HORMAD2: variants seen among roughly 807,000 people sequenced by gnomAD.
The protein encoded by HORMAD2 is HORMA domain containing 2.
A neutral mutation model predicts 38.8 loss-of-function variants in HORMAD2; 45 were observed. That is an observed-to-expected ratio of 1.16 (90% confidence interval 0.91 to 1.49). HORMAD2 has a LOEUF of 1.49. Among genes scored for constraint, HORMAD2 ranks in the 40% most tolerant of loss-of-function variants. The probability of loss-of-function intolerance (pLI) is 0.00; values close to 1 mark genes in which losing one functional copy is unlikely to be tolerated. For missense variants in HORMAD2, 338 were observed against 367.0 expected, an observed-to-expected ratio of 0.92 and a Z score of 0.65; for synonymous variants, 126 against 122.8, an observed-to-expected ratio of 1.03 and a Z score of -0.17.
chr22:30,109,696 C>G (rs1172442259), intron 5 of HORMAD2, among the ~76,000 whole-genome samples: 2 of 152,126 alleles, frequency 1.3e-5, no homozygotes, highest in African/African-American at 4.8e-5. Context: ...ATATGTTACT[C>G]TTTCAAGCAG....
At chr22:30,158,186 A>G (rs1049665695) in intron 10 of HORMAD2, among the ~76,000 whole-genome samples, 1 of 152,114 alleles carries the variant, frequency 6.6e-6, no homozygotes, top group Non-Finnish European at 1.5e-5. Flanking sequence ...CCCAGTGTAA[A>G]TATTTCCACA....
At chr22:30,113,871 C>T (rs1267147241) in intron 7 of HORMAD2, among the ~76,000 whole-genome samples, 2 of 152,172 alleles carry the variant, frequency 1.3e-5, no homozygotes, top group Non-Finnish European at 2.9e-5. Flanking sequence ...AGCAATTCCT[C>T]AATGCCCAAA....
At chr22:30,145,194 C>T (rs1924338672) in intron 10 of HORMAD2, among the ~76,000 whole-genome samples, 1 of 152,164 alleles carries the variant, frequency 6.6e-6, no homozygotes, top group Non-Finnish European at 1.5e-5. Context: ...GCTCCTCACA[C>T]TGACATGTGG....
At chr22:30,129,128 G>C (rs1923081294) in intron 10 of HORMAD2, among the ~76,000 whole-genome samples, 1 of 147,808 alleles carries the variant, frequency 6.8e-6, no homozygotes, top group Admixed American at 6.9e-5. Flanking sequence ...TGAGGCAGGA[G>C]AATGGCAAAA....
chr22:30,165,477 T>G (rs774046988), intron 10 of HORMAD2, among the ~76,000 whole-genome samples: 1 of 152,188 alleles, frequency 6.6e-6, no homozygotes, highest in Non-Finnish European at 1.5e-5. Flanking sequence ...TTGTGTTGAG[T>G]CTGTAGATTG....
chr22:30,200,690 A>G, the HORMAD2 span, among the ~76,000 whole-genome samples: 1 of 151,660 alleles, frequency 6.6e-6, no homozygotes, highest in Non-Finnish European at 1.5e-5. Flanking sequence ...GACTGCTGTC[A>G]TAAAGTACCA....
chr22:30,164,542 G>A (rs1435775567), intron 10 of HORMAD2, among the ~76,000 whole-genome samples: 1 of 152,172 alleles, frequency 6.6e-6, no homozygotes, highest in Non-Finnish European at 1.5e-5. Flanking sequence ...TTGCATCTCT[G>A]ATGATAGTGA....
the HORMAD2 span, among the ~76,000 whole-genome samples, chr22:30,193,732 T>C: frequency 3.3e-5 from 5 of 152,238 alleles, no homozygotes; most frequent in African/African-American, 1.2e-4. Flanking sequence ...TGTCCTTCCA[T>C]AGCGATAGGG....
At chr22:30,207,027 C>T in the HORMAD2 span, 48 of 469,378 alleles carry the variant, frequency 1.0e-4, no homozygotes, top group Middle Eastern at 2.3e-3. Context: ...CCACCCGTCC[C>T]CTCGTGTCGG....
At chr22:30,120,226 G>T (rs974610404) in intron 8 of HORMAD2, among the ~76,000 whole-genome samples, 1 of 152,176 alleles carries the variant, frequency 6.6e-6, no homozygotes, top group Non-Finnish European at 1.5e-5. Context: ...GTTTAAATGG[G>T]AGTCCTGAAT....
chr22:30,101,558 T>A (rs1317172471), intron 3 of HORMAD2, among the ~76,000 whole-genome samples: 1 of 151,878 alleles, frequency 6.6e-6, no homozygotes, highest in Admixed American at 6.6e-5. Flanking sequence ...ACCTGCACTT[T>A]CTGCACATGT....
chr22:30,108,798 A>G (rs1015008699), intron 5 of HORMAD2, among the ~76,000 whole-genome samples: 8 of 152,188 alleles, frequency 5.3e-5, no homozygotes, highest in Non-Finnish European at 8.8e-5. Context: ...TCAATTAAGT[A>G]ATGTATGAGT....
At chr22:30,199,427 T>C in the HORMAD2 span, among the ~76,000 whole-genome samples, 1 of 152,224 alleles carries the variant, frequency 6.6e-6, no homozygotes, top group East Asian at 1.9e-4. Flanking sequence ...TAATGATAAA[T>C]GGTGAACAAG....
At chr22:30,140,669 T>C (rs1924011000) in intron 10 of HORMAD2, among the ~76,000 whole-genome samples, 2 of 152,180 alleles carry the variant, frequency 1.3e-5, no homozygotes, top group Admixed American at 1.3e-4. Flanking sequence ...TTTTAGTCTT[T>C]TATTTACTTG....
At chr22:30,177,794 C>T (rs1171356753), downstream of HORMAD2, among the ~76,000 whole-genome samples, 1 of 150,032 alleles carries the variant, frequency 6.7e-6, no homozygotes, top group Non-Finnish European at 1.5e-5. Flanking sequence ...ATCCTCCCAC[C>T]TCAACCTCCG....
chr22:30,187,906 G>T, the HORMAD2 span, among the ~76,000 whole-genome samples: 18 of 152,058 alleles, frequency 1.2e-4, no homozygotes, highest in Non-Finnish European at 1.5e-5. Flanking sequence ...GGGGTGGTGT[G>T]GGGGAGCCGC....
chr22:30,190,928 A>G, the HORMAD2 span, among the ~76,000 whole-genome samples: 2 of 152,216 alleles, frequency 1.3e-5, no homozygotes, highest in Admixed American at 6.5e-5. Context: ...CATGTTGTAC[A>G]TTTAAGGTGA....
chr22:30,165,925 C>A (rs879625881), intron 10 of HORMAD2, among the ~76,000 whole-genome samples: 3 of 151,382 alleles, frequency 2.0e-5, no homozygotes, highest in Admixed American at 6.6e-5. Context: ...TCCCCTCATT[C>A]TTCTTCTTTT....
chr22:30,171,105 A>G (rs975398643), intron 10 of HORMAD2, among the ~76,000 whole-genome samples: 1 of 152,000 alleles, frequency 6.6e-6, no homozygotes, highest in Non-Finnish European at 1.5e-5. Context: ...TCCTCTAACT[A>G]ATCTCTAAAT....
Sources: gnomAD v4.1 joint callset for allele counts (sites outside exome capture counted in the v4.1 genomes callset) on GRCh38, gnomAD v4.1.1 for gene constraint, MANE v1.5 for transcripts, NCBI Gene and HGNC (gene_info 2026-07-23, HGNC 2026-07-21) for gene names.